The following SLC24A2 variants were observed in gnomAD, a reference collection of about 807,000 sequenced individuals.
SLC24A2 encodes sodium/potassium/calcium exchanger 2.
SLC24A2 carries 36 observed loss-of-function variants against 62.0 expected under a neutral mutation model. The ratio of observed to expected loss-of-function variants is 0.58; its 90% CI spans 0.44 to 0.77. SLC24A2 has a LOEUF of 0.77. Among genes scored for constraint, SLC24A2 ranks in the 30% least tolerant of loss-of-function variants. The pLI is 0.00. For missense variants in SLC24A2, 846 were observed against 817.9 expected (o/e 1.03, Z -0.42); for synonymous variants, 358 against 294.0 (o/e 1.22, Z -2.23).
At chr9:20,188,053 C>T in the SLC24A2 span, among the ~76,000 whole-genome samples, 1 of 152,226 alleles carries the variant, frequency 6.6e-6, no homozygotes, top group African/African-American at 2.4e-5. Context: ...GGCATCATGC[C>T]TGTGTCCTGA....
At chr9:20,090,490 T>C in the SLC24A2 span, among the ~76,000 whole-genome samples, 2 of 152,070 alleles carry the variant, frequency 1.3e-5, no homozygotes, top group Admixed American at 1.3e-4. Flanking sequence ...TATAGGGGTA[T>C]AGGGGAGCCC....
chr9:19,919,234 A>C, the SLC24A2 span, among the ~76,000 whole-genome samples: 1 of 152,184 alleles, frequency 6.6e-6, no homozygotes, highest in Non-Finnish European at 1.5e-5. Flanking sequence ...CTTAGTAAGC[A>C]AACAGGCCCA....
intron 8 of SLC24A2, among the ~76,000 whole-genome samples, chr9:19,530,156 TGAA>T (rs1278694899): frequency 6.7e-6 from 1 of 149,416 alleles, no homozygotes; most frequent in Non-Finnish European, 1.5e-5. Flanking sequence ...TGCTAAGAGA[TGAA>T]GTTTTCCAAG....
the SLC24A2 span, among the ~76,000 whole-genome samples, chr9:20,046,461 A>T: frequency 9.4e-4 from 143 of 152,340 alleles, no homozygotes; most frequent in South Asian, 4.6e-3. Context: ...AAAATTGGTT[A>T]TCAAAGGAAA....
intron 10 of SLC24A2, 141 bp downstream of exon 10, chr9:19,520,753 C>G (rs1398700236): frequency 1.3e-6 from 1 of 782,290 alleles, no homozygotes; most frequent in East Asian, 2.5e-5. Flanking sequence ...TGGGGAAATG[C>G]AATGGTATTC....
the SLC24A2 span, among the ~76,000 whole-genome samples, chr9:19,807,439 A>G: frequency 6.6e-6 from 1 of 152,226 alleles, no homozygotes. Context: ...CTGATATGTT[A>G]GAAGAAAAAG....
the SLC24A2 span, among the ~76,000 whole-genome samples, chr9:20,019,253 G>GAGA: frequency 9.1e-6 from 1 of 109,640 alleles, no homozygotes; most frequent in African/African-American, 3.5e-5. Context: ...AAGAAGGAAA[G>GAGA]AGAAAGAAAG....
the SLC24A2 span, among the ~76,000 whole-genome samples, chr9:20,302,440 A>C: frequency 1.3e-5 from 2 of 152,272 alleles, no homozygotes; most frequent in African/African-American, 4.8e-5. Context: ...TAGGTATGTA[A>C]TGGTATCTCA....
intron 2 of SLC24A2, among the ~76,000 whole-genome samples, chr9:19,693,904 C>T (rs62564203): frequency 0.059 from 9,030 of 151,842 alleles, 299 homozygotes; most frequent in African/African-American, 0.09. Flanking sequence ...TTATTTCCCA[C>T]AAGCAAGATA....
intron 5 of SLC24A2, among the ~76,000 whole-genome samples, chr9:19,589,391 C>T (rs1448558956): frequency 6.6e-6 from 1 of 152,144 alleles, no homozygotes; most frequent in African/African-American, 2.4e-5. Context: ...TAAAAGTGGT[C>T]ATCTCTAGGG....
chr9:20,113,027 G>A, the SLC24A2 span, among the ~76,000 whole-genome samples: 1 of 152,092 alleles, frequency 6.6e-6, no homozygotes, highest in African/African-American at 2.4e-5. Context: ...TTAGCTGTTT[G>A]GCTAATGTGA....
chr9:20,237,472 T>C, the SLC24A2 span, among the ~76,000 whole-genome samples: 1 of 152,182 alleles, frequency 6.6e-6, no homozygotes, highest in East Asian at 1.9e-4. Flanking sequence ...AAACCACCTC[T>C]CTCAAAGCTG....
the SLC24A2 span, among the ~76,000 whole-genome samples, chr9:20,019,239 A>G: frequency 5.6e-4 from 79 of 140,834 alleles, no homozygotes; most frequent in East Asian, 3.5e-3. Context: ...AAGAAAGAAA[A>G]AGAAAGAAGG....
the SLC24A2 span, among the ~76,000 whole-genome samples, chr9:20,063,655 A>T: frequency 1.3e-5 from 2 of 152,148 alleles, no homozygotes; most frequent in African/African-American, 4.8e-5. Flanking sequence ...TAAAAAAATA[A>T]AAATAAAAGA....
At chr9:20,089,012 T>A in the SLC24A2 span, among the ~76,000 whole-genome samples, 1 of 152,154 alleles carries the variant, frequency 6.6e-6, no homozygotes, top group African/African-American at 2.4e-5. Context: ...ATCCCATAGC[T>A]TCTCACTGGG....
At chr9:19,903,355 C>G in the SLC24A2 span, among the ~76,000 whole-genome samples, 1 of 152,138 alleles carries the variant, frequency 6.6e-6, no homozygotes, top group African/African-American at 2.4e-5. Context: ...GCTCTGGTCC[C>G]TTTTCCTCTT....
chr9:19,535,438 C>G (rs1217869036), intron 8 of SLC24A2, among the ~76,000 whole-genome samples: 1 of 152,114 alleles, frequency 6.6e-6, no homozygotes, highest in Non-Finnish European at 1.5e-5. Context: ...ATGCCTATGT[C>G]CAGAATGGTA....
chr9:19,613,236 G>C (rs767985956), intron 4 of SLC24A2, among the ~76,000 whole-genome samples: 1 of 152,174 alleles, frequency 6.6e-6, no homozygotes, highest in Non-Finnish European at 1.5e-5. Context: ...TGTGGTGACT[G>C]TGATTGATCA....
At chr9:20,148,685 T>C in the SLC24A2 span, among the ~76,000 whole-genome samples, 1 of 152,272 alleles carries the variant, frequency 6.6e-6, no homozygotes, top group South Asian at 2.1e-4. Context: ...ATTCCATCCC[T>C]AGCATTACTA....
Sources: allele counts gnomAD v4.1 joint callset (sites outside exome capture counted in the v4.1 genomes callset), GRCh38; gene constraint gnomAD v4.1.1; transcripts MANE v1.5; gene names NCBI Gene and HGNC (gene_info 2026-07-23, HGNC 2026-07-21).